Variants in CSGALNACT1 observed in about 807,000 individuals in gnomAD.
The protein encoded by CSGALNACT1 is chondroitin sulfate N-acetylgalactosaminyltransferase 1.
In CSGALNACT1, 52 loss-of-function variants were observed where a neutral mutation model predicts 51.0. That is an observed-to-expected ratio of 1.02 (90% confidence interval 0.82 to 1.29). The LOEUF is 1.29. Ranked by LOEUF, CSGALNACT1 falls within the 50% of genes most tolerant of loss-of-function variation. The probability of loss-of-function intolerance (pLI) is 0.00; values close to 1 mark genes in which losing one functional copy is unlikely to be tolerated. For synonymous variants in CSGALNACT1, 341 were observed against 254.4 expected (o/e 1.34, Z -3.24); for missense variants, 935 against 679.2 (o/e 1.38, Z -4.19).
At chr8:19,562,879 A>T (rs1377822405) in intron 3 of CSGALNACT1, among the ~76,000 whole-genome samples, 5 of 152,224 alleles carry the variant, frequency 3.3e-5, no homozygotes, top group African/African-American at 1.2e-4. Flanking sequence ...ATGATTCCTC[A>T]AAGATCTAAA....
chr8:19,611,658 C>G (rs1309364254), intron 1 of CSGALNACT1, among the ~76,000 whole-genome samples: 2 of 152,180 alleles, frequency 1.3e-5, no homozygotes, highest in Non-Finnish European at 2.9e-5. Flanking sequence ...ACTTCTGGCC[C>G]TCTTCTTCAT....
chr8:19,416,108 A>C (rs1219530818), intron 8 of CSGALNACT1, among the ~76,000 whole-genome samples: 9 of 107,434 alleles, frequency 8.4e-5, no homozygotes, highest in African/African-American at 2.4e-4. Context: ...AGAAATGAAA[A>C]CTTTTTTTTT....
At chr8:19,560,067 T>C (rs192143528) in intron 3 of CSGALNACT1, among the ~76,000 whole-genome samples, 4 of 152,292 alleles carry the variant, frequency 2.6e-5, no homozygotes, top group Middle Eastern at 3.4e-3. Context: ...CACTTGGAAA[T>C]AGACCCCCAC....
intron 1 of CSGALNACT1, among the ~76,000 whole-genome samples, chr8:19,618,900 G>A (rs538186626): frequency 2.9e-4 from 44 of 152,118 alleles, no homozygotes; most frequent in African/African-American, 9.2e-4. Context: ...ATTCTCTACC[G>A]CTGTAAGAGA....
chr8:19,721,574 G>A (rs1001658007), intron 1 of CSGALNACT1, among the ~76,000 whole-genome samples: 10 of 152,154 alleles, frequency 6.6e-5, no homozygotes, highest in Admixed American at 2.0e-4. Context: ...GAGTTCAGAG[G>A]AGGGAGAAAT....
chr8:19,406,178 G>A, intron 9 of CSGALNACT1, 109 bp from the exon 9 acceptor site: 1 of 1,260,818 alleles, frequency 7.9e-7, no homozygotes, highest in Non-Finnish European at 1.2e-6. Context: ...GGGGATGCGT[G>A]CTTCACCACC....
rs10604359 is a variant in CSGALNACT1 at position 19,467,110 on chromosome 8, C to CTT, written c.635-8470_635-8469dup. ...TTTCACCATTGGTACTAGCAGCTGA[C>CTT]TTTTTTTTTTTTTTTTTTTTTTTTT... On this transcript the variant is annotated intron_variant, in intron 4 of 9. Transcript: ENST00000454498. 1.5e-4 allele frequency among the ~76,000 whole-genome samples: 8 copies of CTT among 53,292 alleles called. 1 individual carries two copies. Among genetic ancestry groups the CTT allele is most frequent in the African/African-American group, 5.2e-4 (6 of 11,614 alleles). The allele number at this position is 53,292 out of a possible 152,430, so 35.0% of individuals were successfully genotyped here. A position where few individuals can be genotyped will look rare whatever the true frequency, so the allele number is the denominator to read the frequency against.
At chr8:19,737,467 CAT>C (rs1264949346) in intron 1 of CSGALNACT1, among the ~76,000 whole-genome samples, 2 of 151,928 alleles carry the variant, frequency 1.3e-5, no homozygotes, top group Non-Finnish European at 2.9e-5. Context: ...GAAAAAGAAA[CAT>C]AAATATATTG....
upstream of CSGALNACT1, among the ~76,000 whole-genome samples, chr8:19,606,971 C>T (rs536991787): frequency 2.2e-4 from 33 of 152,068 alleles, no homozygotes; most frequent in South Asian, 1.5e-3. Context: ...CTGGCTAATA[C>T]GGGGAAACCC....
chr8:19,744,413 C>G (rs1191001663), intron 1 of CSGALNACT1, among the ~76,000 whole-genome samples: 2 of 152,220 alleles, frequency 1.3e-5, no homozygotes, highest in Non-Finnish European at 2.9e-5. Flanking sequence ...ACCACTTTTG[C>G]TGATGTCAGA....
intron 1 of CSGALNACT1, among the ~76,000 whole-genome samples, chr8:19,731,052 T>C (rs1200658811): frequency 6.6e-6 from 1 of 152,044 alleles, no homozygotes; most frequent in East Asian, 1.9e-4. Context: ...TGAGGCTCTG[T>C]GAAAGAAAAG....
chr8:19,408,468 C>CTTTT lies in CSGALNACT1; in HGVS notation c.1309+141_1309+144dup, dbSNP rs1186216767. 66 of 469,698 alleles carry CTTTT rather than the reference C, an allele frequency of 1.4e-4. 8 individuals are homozygous for CTTTT. In the African/African-American group the frequency reaches 1.4e-3, roughly 10 times the overall value. The allele number at this position is 469,698 out of a possible 1,614,324, so 29.1% of individuals were successfully genotyped here. ...AGCCACCGCACCTAGTCTGGAATAGCTTTTTTTTTTTTTTTTTTTTTTTTT... is the reference window on the plus strand; with the variant it reads ...AGCCACCGCACCTAGTCTGGAATAGCTTTTTTTTTTTTTTTTTTTTTTTTTTTTT... On this transcript the variant is annotated intron_variant, in intron 9 of 9. Transcript: ENST00000454498.
At chr8:19,654,166 G>A (rs2058066388) in intron 1 of CSGALNACT1, among the ~76,000 whole-genome samples, 1 of 152,206 alleles carries the variant, frequency 6.6e-6, no homozygotes, top group African/African-American at 2.4e-5. Context: ...ATGTGAGTCA[G>A]TAAGTCAGTA....
chr8:19,672,846 A>G (rs958715941), intron 1 of CSGALNACT1, among the ~76,000 whole-genome samples: 1 of 152,210 alleles, frequency 6.6e-6, no homozygotes. Context: ...AATAAAAATA[A>G]AAAAACAGGC....
intron 1 of CSGALNACT1, among the ~76,000 whole-genome samples, chr8:19,638,184 C>G (rs916074042): frequency 6.8e-6 from 1 of 147,732 alleles, no homozygotes; most frequent in Non-Finnish European, 1.5e-5. Flanking sequence ...TCCCTGCCTC[C>G]TTAGGACAGC....
chr8:19,531,770 A>T (rs1417800877), intron 3 of CSGALNACT1: 1 of 152,220 alleles, frequency 6.6e-6, no homozygotes, highest in East Asian at 1.9e-4. Flanking sequence ...TCACGTCCCC[A>T]GTCTGCAGGG....
At chr8:19,577,019 A>C (rs1441735794) in intron 3 of CSGALNACT1, among the ~76,000 whole-genome samples, 6 of 152,000 alleles carry the variant, frequency 3.9e-5, no homozygotes, top group African/African-American at 1.5e-4. Flanking sequence ...ACCCACCTCA[A>C]AAGCATGGAA....
chr8:19,479,804 ATGCCTGTCTTC>A lies in CSGALNACT1; in HGVS notation c.635-21173_635-21163del, dbSNP rs2070842691. Among the ~76,000 whole-genome samples, 3 of 47,418 alleles carry A rather than the reference ATGCCTGTCTTC, an allele frequency of 6.3e-5. No individual in the cohort carries two copies. The Admixed American group carries it at 8.3e-4, about 13-fold the overall frequency. 31.1% of individuals were successfully genotyped at this position (47,418 alleles called of 152,430 possible). On this transcript the variant is annotated intron_variant, in intron 4 of 9. Transcript: ENST00000454498. Reference sequence around the variant, plus strand: ...AGATTCCTCTCCGTAGATCACACTAATGCCTGTCTTCAGGAAAGAACTTAGAAAAAAAAAAA... The same window carrying A: ...AGATTCCTCTCCGTAGATCACACTAAAGGAAAGAACTTAGAAAAAAAAAAA...
At chr8:19,451,215 T>C (rs1026038729) in intron 5 of CSGALNACT1, among the ~76,000 whole-genome samples, 3 of 152,206 alleles carry the variant, frequency 2.0e-5, no homozygotes, top group Non-Finnish European at 4.4e-5. Context: ...TCATTAAATA[T>C]GAACAGCTGG....
Sources: gnomAD v4.1 joint callset for allele counts (sites outside exome capture counted in the v4.1 genomes callset) on GRCh38, gnomAD v4.1.1 for gene constraint, MANE v1.5 for transcripts, NCBI Gene and HGNC (gene_info 2026-07-23, HGNC 2026-07-21) for gene names.